CHRM3: variants seen among roughly 807,000 people sequenced by gnomAD.
The protein encoded by CHRM3 is cholinergic receptor muscarinic 3.
A neutral mutation model predicts 41.8 loss-of-function variants in CHRM3; 11 were observed. That is an observed-to-expected ratio of 0.26 (90% CI 0.17 to 0.44). The LOEUF is 0.44. CHRM3 is among the 20% of genes least tolerant of loss of function. The pLI is 1.00. For synonymous variants in CHRM3, 297 were observed against 301.4 expected, an observed-to-expected ratio of 0.99 and a Z score of 0.15; for missense variants, 571 against 745.4, an observed-to-expected ratio of 0.77 and a Z score of 2.72.
chr1:239,401,051 G>A lies in CHRM3; in HGVS notation c.-521+13824G>A, dbSNP rs561578100. Among the ~76,000 whole-genome samples the A allele has an allele frequency of 1.5e-3, 227 of 152,216 alleles. No homozygotes were observed. In the South Asian group the frequency reaches 0.015, roughly 10 times the overall value. On this transcript the variant is annotated intron_variant, in intron 1 of 6. Transcript: ENST00000676153. The stretch of plus-strand genomic sequence containing the variant: ...ACCAGGCAAAAAGAGAACAACCCAA[G>A]GGTCTAGGCTTGAAAAGAAAATCAA...
chr1:239,500,342 C>A (rs2148126994), intron 2 of CHRM3, among the ~76,000 whole-genome samples: 1 of 151,992 alleles, frequency 6.6e-6, no homozygotes, highest in Non-Finnish European at 1.5e-5. Flanking sequence ...TGGAAACCAT[C>A]ATTCTCAGCA....
At chr1:239,711,988 C>T (rs1424164164) in intron 5 of CHRM3, among the ~76,000 whole-genome samples, 2 of 152,192 alleles carry the variant, frequency 1.3e-5, no homozygotes, top group African/African-American at 2.4e-5. Context: ...AGCCCATCCC[C>T]CCAGGCTTAG....
chr1:239,744,374 G>A (rs1665156702), intron 5 of CHRM3, among the ~76,000 whole-genome samples: 1 of 152,062 alleles, frequency 6.6e-6, no homozygotes, highest in African/African-American at 2.4e-5. Flanking sequence ...TGTGTGGAAT[G>A]GGGTGGTGAT....
At chr1:239,568,716 C>CT (rs1558326388) in intron 3 of CHRM3, among the ~76,000 whole-genome samples, 40 of 152,056 alleles carry the variant, frequency 2.6e-4, no homozygotes, top group African/African-American at 4.3e-4. Context: ...CCTCAGCCTC[C>CT]CCTCTTCTTC....
At chr1:239,808,728 C>T (rs777698093) in intron 5 of CHRM3, among the ~76,000 whole-genome samples, 1 of 152,120 alleles carries the variant, frequency 6.6e-6, no homozygotes, top group Admixed American at 6.5e-5. Flanking sequence ...TCTGTGATAG[C>T]CCTCCAAAGA....
chr1:239,560,073 G>A (rs1363164141), intron 3 of CHRM3, among the ~76,000 whole-genome samples: 2 of 151,998 alleles, frequency 1.3e-5, no homozygotes, highest in Non-Finnish European at 2.9e-5. Flanking sequence ...ATTATCTGGG[G>A]CAAAAAATAT....
chr1:239,868,861 G>C (rs1676337439), intron 6 of CHRM3, among the ~76,000 whole-genome samples: 1 of 152,200 alleles, frequency 6.6e-6, no homozygotes, highest in Non-Finnish European at 1.5e-5. Context: ...TAACTTTCAT[G>C]TCTTTGAGCC....
chr1:239,512,208 A>T (rs918261116), intron 2 of CHRM3, among the ~76,000 whole-genome samples: 73 of 152,168 alleles, frequency 4.8e-4, no homozygotes, highest in African/African-American at 1.7e-3. Context: ...GGATAGCCAG[A>T]CTGTAATGTA....
intron 1 of CHRM3, among the ~76,000 whole-genome samples, chr1:239,452,887 T>G (rs1664656716): frequency 6.6e-6 from 1 of 151,924 alleles, no homozygotes; most frequent in South Asian, 2.1e-4. Context: ...TGCAAGCTCC[T>G]CCTCCCGGGT....
At chr1:239,412,441 G>T (rs912972551) in intron 1 of CHRM3, among the ~76,000 whole-genome samples, 1 of 145,554 alleles carries the variant, frequency 6.9e-6, no homozygotes, top group Non-Finnish European at 1.5e-5. Context: ...TATAGCGATA[G>T]TCTTGGGGTT....
At chr1:239,895,646 A>G (rs1345101510) in intron 6 of CHRM3, among the ~76,000 whole-genome samples, 1 of 152,208 alleles carries the variant, frequency 6.6e-6, no homozygotes, top group Admixed American at 6.5e-5. Context: ...AGCCATAAAA[A>G]ATGAGATCAT....
At chr1:239,760,008 G>A (rs939811890) in intron 5 of CHRM3, among the ~76,000 whole-genome samples, 4 of 151,750 alleles carry the variant, frequency 2.6e-5, no homozygotes, top group African/African-American at 7.3e-5. Flanking sequence ...TCTGCCTCCC[G>A]GGTTCACACC....
intron 6 of CHRM3, among the ~76,000 whole-genome samples, chr1:239,849,264 G>T (rs917832951): frequency 2.6e-5 from 4 of 152,132 alleles, no homozygotes; most frequent in African/African-American, 7.2e-5. Context: ...TTCTGATTTT[G>T]CATATTTACT....
At chr1:239,454,651 C>A (rs1379517115) in intron 1 of CHRM3, among the ~76,000 whole-genome samples, 1 of 152,074 alleles carries the variant, frequency 6.6e-6, no homozygotes, top group Non-Finnish European at 1.5e-5. Flanking sequence ...TGCTAAGGCT[C>A]CCTGACCCTA....
chr1:239,623,650 C>T (rs1668698049), intron 3 of CHRM3, among the ~76,000 whole-genome samples: 1 of 73,180 alleles, frequency 1.4e-5, no homozygotes, highest in Admixed American at 1.5e-4. Flanking sequence ...CCTCCCCCCT[C>T]CCCCGACCCC....
intron 3 of CHRM3, among the ~76,000 whole-genome samples, chr1:239,564,962 C>T (rs1161450590): frequency 6.6e-6 from 1 of 152,124 alleles, no homozygotes; most frequent in South Asian, 2.1e-4. Flanking sequence ...GCTGTGCTGT[C>T]CCCGGAGGCT....
chr1:239,479,497 G>C (rs1666687202), intron 1 of CHRM3, among the ~76,000 whole-genome samples: 1 of 152,062 alleles, frequency 6.6e-6, no homozygotes, highest in South Asian at 2.1e-4. Context: ...AATAATACAT[G>C]GGAAAAGTAT....
intron 1 of CHRM3, among the ~76,000 whole-genome samples, chr1:239,421,395 C>G (rs923896294): frequency 7.9e-5 from 12 of 152,084 alleles, no homozygotes; most frequent in African/African-American, 2.4e-5. Flanking sequence ...GAGGCACTGA[C>G]CTTTCCATTA....
At position 239,913,841 on chromosome 1, in the gene CHRM3, C is replaced by G. The variant is rs905829598; in HGVS notation, c.*4617C>G. The G allele has an allele frequency of 6.0e-6, 1 of 167,018 alleles. No homozygotes were observed. 10.3% of individuals were successfully genotyped at this position (167,018 alleles called of 1,614,324 possible). On this transcript the variant is annotated 3_prime_UTR_variant, in exon 7 of 7. Transcript: ENST00000676153. ...TCACGTTCACAGCTTCGCGCAGAGA[C>G]GGATAGTGTATTTGGATATATGGAA...
Sources: allele counts gnomAD v4.1 joint callset (sites outside exome capture counted in the v4.1 genomes callset), GRCh38; gene constraint gnomAD v4.1.1; transcripts MANE v1.5; gene names NCBI Gene and HGNC (gene_info 2026-07-23, HGNC 2026-07-21).